SLC44A1: variants seen among roughly 807,000 people sequenced by gnomAD.
The protein encoded by SLC44A1 is choline transporter-like protein 1.
SLC44A1 carries 26 observed loss-of-function variants against 79.3 expected under a neutral mutation model. That is an observed-to-expected ratio of 0.33 (90% CI 0.24 to 0.46). The LOEUF (loss-of-function observed/expected upper bound fraction) is 0.46. SLC44A1 is among the 20% of genes least tolerant of loss of function. The pLI is 1.00. For synonymous variants in SLC44A1, 263 were observed against 286.2 expected, an observed-to-expected ratio of 0.92 and a Z score of 0.82; for missense variants, 688 against 798.1, an observed-to-expected ratio of 0.86 and a Z score of 1.66.
intron 9 of SLC44A1, 53 bp downstream of exon 9, chr9:105,363,060 A>G (rs1827829891): frequency 4.5e-6 from 6 of 1,324,902 alleles, no homozygotes; most frequent in Non-Finnish European, 6.3e-6. Flanking sequence ...GCATTCCAGT[A>G]TTTTAGAACA....
chr9:105,384,818 C>T (rs917110223), intron 14 of SLC44A1, among the ~76,000 whole-genome samples: 10 of 152,184 alleles, frequency 6.6e-5, no homozygotes, highest in African/African-American at 1.9e-4. Flanking sequence ...AGAAATGTTC[C>T]CTTTGGGCAC....
intron 15 of SLC44A1, among the ~76,000 whole-genome samples, chr9:105,402,441 C>T (rs1828970538): frequency 6.6e-6 from 1 of 152,130 alleles, no homozygotes; most frequent in Admixed American, 6.5e-5. Flanking sequence ...GGGGCTTTTG[C>T]CAGATGGTCA....
At position 105,394,139 on chromosome 9, in the gene SLC44A1, C is replaced by T; in HGVS notation, c.*5083C>T. ...CAGACGGCCAGCTTCCACCCCTGTA[C>T]CCCCTCAGGGGCTAATGAACCCAAG... On this transcript the variant is annotated 3_prime_UTR_variant, in exon 16 of 16. Coordinates refer to ENST00000374720, the MANE Select transcript of SLC44A1 (RefSeq NM_080546.5). 2.0e-6 allele frequency: 2 copies of T among 985,372 alleles called. No homozygotes were observed. The highest frequency in any genetic ancestry group is 2.4e-6 in the Non-Finnish European group (2 of 829,924). 61.0% of individuals were successfully genotyped at this position (985,372 alleles called of 1,614,324 possible).
intron 12 of SLC44A1, among the ~76,000 whole-genome samples, chr9:105,370,680 T>A (rs979993821): frequency 1.3e-5 from 2 of 152,202 alleles, no homozygotes; most frequent in Admixed American, 1.3e-4. Context: ...TGTTGGGCAT[T>A]CTCCTCGTGT....
Position 105,396,452 on chromosome 9 carries a change from C to T in SLC44A1, c.*7396C>T, listed in dbSNP as rs1268943502. 2.0e-6 allele frequency: 2 copies of T among 985,432 alleles called. No homozygotes were observed. The highest frequency in any genetic ancestry group is 1.2e-6 in the Non-Finnish European group (1 of 829,918). 61.0% of individuals were successfully genotyped at this position (985,432 alleles called of 1,614,324 possible). ...CCAAAGGTCCAACTTTACTTACTGGCTGGCACAGCCTTTCTGAACTCCTTG... is the reference window on the plus strand; with the variant it reads ...CCAAAGGTCCAACTTTACTTACTGGTTGGCACAGCCTTTCTGAACTCCTTG... On this transcript the variant is annotated 3_prime_UTR_variant, in exon 16 of 16. Transcript: ENST00000374720.
intron 1 of SLC44A1, among the ~76,000 whole-genome samples, chr9:105,249,750 G>A: frequency 6.6e-6 from 1 of 151,334 alleles, no homozygotes; most frequent in East Asian, 1.9e-4. Flanking sequence ...GGCCAGGGTG[G>A]TCTCGAACTC....
intron 2 of SLC44A1, among the ~76,000 whole-genome samples, chr9:105,304,944 G>GTTTTTTTTT (rs10589897): frequency 5.0e-5 from 1 of 20,078 alleles, no homozygotes; most frequent in Non-Finnish European, 1.1e-4. Context: ...ACTTTCTATC[G>GTTTTTTTTT]TTTTTTTTTT....
intron 1 of SLC44A1, among the ~76,000 whole-genome samples, chr9:105,265,004 C>T (rs1330300323): frequency 6.6e-6 from 1 of 152,146 alleles, no homozygotes; most frequent in Non-Finnish European, 1.5e-5. Context: ...CCATGTTGGT[C>T]AGGCTGGTCT....
rs192639883 is a variant in SLC44A1, at chr9:105,421,701, C to T, written c.1951-16580C>T. The stretch of plus-strand genomic sequence containing the variant: ...TTCCTGGGTTCACGCCATTCTCCTG[C>T]CTCAGCCTCCCGAGTAGCTGGGACT... On this transcript the variant is annotated intron_variant, in intron 15 of 15. Transcript: ENST00000374724. Among the ~76,000 whole-genome samples the T allele has an allele frequency of 8.4e-3, 1,272 of 151,916 alleles. 18 individuals are homozygous for T. Among genetic ancestry groups the T allele is most frequent in the South Asian group, 0.055 (262 of 4,804 alleles).
At chr9:105,413,519 G>T (rs1306413756) in intron 15 of SLC44A1, among the ~76,000 whole-genome samples, 1 of 152,200 alleles carries the variant, frequency 6.6e-6, no homozygotes, top group Non-Finnish European at 1.5e-5. Context: ...ACAGACCAAA[G>T]ATGGCAGAAC....
chr9:105,427,550 A>T (rs958325588), intron 15 of SLC44A1, among the ~76,000 whole-genome samples: 6 of 152,148 alleles, frequency 3.9e-5, no homozygotes, highest in Admixed American at 1.3e-4. Flanking sequence ...GCCAGGATTC[A>T]GGGGTGAGCC....
rs772871904 is a variant in SLC44A1 at position 105,374,772 on chromosome 9, A to G, written c.1632+37A>G. The G allele has an allele frequency of 1.1e-5, 16 of 1,512,908 alleles. No individual in the cohort carries two copies. The South Asian group carries it at 1.8e-4, about 17-fold the overall frequency. 93.7% of individuals were successfully genotyped at this position (1,512,908 alleles called of 1,614,324 possible). On this transcript the variant is annotated intron_variant, in intron 13 of 15. Transcript: ENST00000374720. Reference sequence around the variant, plus strand: ...TATTTTTTCTGCAACATACAGTAAAATTTTGCATATATTTATTTGCTCTTT... The same window carrying G: ...TATTTTTTCTGCAACATACAGTAAAGTTTTGCATATATTTATTTGCTCTTT...
intron 5 of SLC44A1, among the ~76,000 whole-genome samples, chr9:105,349,601 A>G (rs764965442): frequency 1.3e-5 from 2 of 152,214 alleles, no homozygotes; most frequent in Non-Finnish European, 2.9e-5. Context: ...CGGAGATTAC[A>G]TTCATATAAA....
At chr9:105,290,054 G>A (rs1374627098) in intron 1 of SLC44A1, among the ~76,000 whole-genome samples, 2 of 152,090 alleles carry the variant, frequency 1.3e-5, no homozygotes, top group South Asian at 2.1e-4. Flanking sequence ...GACCTCAGGT[G>A]ATCCACCCTC....
At chr9:105,342,484 C>T (rs1219404798) in intron 4 of SLC44A1, among the ~76,000 whole-genome samples, 4 of 152,134 alleles carry the variant, frequency 2.6e-5, no homozygotes, top group African/African-American at 9.7e-5. Flanking sequence ...GAACTATGTA[C>T]ATTGTAGTGG....
At chr9:105,292,703 A>G (rs1011617037) in intron 1 of SLC44A1, among the ~76,000 whole-genome samples, 4 of 152,146 alleles carry the variant, frequency 2.6e-5, no homozygotes, top group Admixed American at 2.6e-4. Flanking sequence ...AATGTTCCCC[A>G]TGTCTATTCC....
chr9:105,260,681 G>T (rs892737153), intron 1 of SLC44A1, among the ~76,000 whole-genome samples: 1 of 152,198 alleles, frequency 6.6e-6, no homozygotes, highest in Non-Finnish European at 1.5e-5. Context: ...TAGGGTAAAT[G>T]ATTGACAAAA....
chr9:105,286,900 G>A (rs562250957), intron 1 of SLC44A1, among the ~76,000 whole-genome samples: 1 of 152,298 alleles, frequency 6.6e-6, no homozygotes, highest in South Asian at 2.1e-4. Context: ...GAAGTTTGAG[G>A]CTGCAGTGAG....
In SLC44A1 at chr9:105,324,525, T is replaced by C. The variant is rs141380770; in HGVS notation, c.270-11038T>C. 5.3e-3 allele frequency among the ~76,000 whole-genome samples: 800 copies of C among 151,956 alleles called. 11 individuals are homozygous for C. Among genetic ancestry groups the C allele is most frequent in the African/African-American group, 0.018 (752 of 41,434 alleles). ...GCCTCGGCCTCCCAAAGTGCTGGGA[T>C]TGCAGGCATGAGCCACCACGCCTGG... On this transcript the variant is annotated intron_variant, in intron 3 of 15. Transcript: ENST00000374720.
Sources: gnomAD v4.1 joint callset for allele counts (sites outside exome capture counted in the v4.1 genomes callset) on GRCh38, gnomAD v4.1.1 for gene constraint, MANE v1.5 for transcripts, NCBI Gene and HGNC (gene_info 2026-07-23, HGNC 2026-07-21) for gene names.